PRR14L: variants seen among roughly 807,000 people sequenced by gnomAD.
PRR14L encodes the protein protein PRR14L.
A neutral mutation model predicts 155.0 loss-of-function variants in PRR14L; 80 were observed. The ratio of observed to expected loss-of-function variants is 0.52; its 90% CI spans 0.43 to 0.62. PRR14L has a LOEUF of 0.62. PRR14L is among the 20% of genes least tolerant of loss of function. PRR14L has a pLI of 0.00. For synonymous variants in PRR14L, 883 were observed against 916.0 expected, an observed-to-expected ratio of 0.96 and a Z score of 0.65; for missense variants, 2,469 against 2,548.0, an observed-to-expected ratio of 0.97 and a Z score of 0.67.
chr22:31,695,626 C>T (rs891850799), intron 7 of PRR14L, among the ~76,000 whole-genome samples: 1 of 152,176 alleles, frequency 6.6e-6, no homozygotes, highest in African/African-American at 2.4e-5. Context: ...AAACCACATG[C>T]TCCAGGCCTT....
At position 31,714,817 on chromosome 22, in the gene PRR14L, C is replaced by T; in HGVS notation, c.3022G>A (p.Val1008Ile). ...AGCAGATCCTTTTGGTTGTGGTTTA[C>T]CTCCCCGTGAGGCTCGGTGACAGTC... The part of the protein sequence containing the change: ...RETVTEPHGE[V>I]NHNQKDLLVS... Residue 1008 changes from valine (V) to isoleucine (I), a missense_variant, in exon 4 of 9, where the codon GTA (valine) becomes ATA (isoleucine). Physicochemically the swap from Val to Ile is conservative, Grantham distance 29. Around this residue, in one of 2 missense-constraint regions of PRR14L, gnomAD observed 2,363 missense variants for 2,371.6 expected, o/e 1.00. Coordinates refer to ENST00000327423, the MANE Select transcript of PRR14L (RefSeq NM_173566.3). The T allele has an allele frequency of 6.4e-7, 1 of 1,552,160 alleles. No homozygotes were observed. Among genetic ancestry groups the T allele is most frequent in the Non-Finnish European group, 8.7e-7 (1 of 1,147,090 alleles).
chr22:31,713,565 A>G lies in PRR14L; in HGVS notation c.4274T>C (p.Leu1425Ser), dbSNP rs1182402889. 8 of 1,551,954 alleles carry G rather than the reference A, an allele frequency of 5.2e-6. No homozygotes were observed. The highest frequency in any genetic ancestry group is 2.0e-5 in the Admixed American group (1 of 50,974). Reference protein sequence around the residue: ...SQQCISSSLLLDDAQNQNQPK... With the variant: ...SQQCISSSLLSDDAQNQNQPK... ...TTGGTTCTGATTTTGTGCATCATCT[A>G]ACAACAGACTAGATGATATGCACTG... The change falls in exon 4 of 9, where the codon TTA becomes TCA. Residue 1425 changes from leucine (L) to serine (S), a missense_variant. Physicochemically the swap from Leu to Ser is moderately radical, Grantham distance 145. Transcript: ENST00000327423.
chr22:31,713,383 G>GA lies in PRR14L; in HGVS notation c.4455dup (p.Pro1486SerfsTer19). On this transcript the variant is annotated frameshift_variant, in exon 4 of 9. Coordinates refer to ENST00000327423, the MANE Select transcript of PRR14L (RefSeq NM_173566.3). LOFTEE classifies it high-confidence loss of function. Reference sequence around the variant, plus strand: ...TTCCGAGGGGCACCAAGAAGGCAAGGACTTGTGCATGACTCAGTGTCCTTC... The same window carrying GA: ...TTCCGAGGGGCACCAAGAAGGCAAGGAACTTGTGCATGACTCAGTGTCCTTC... 6.4e-7 allele frequency: 1 copy of GA among 1,551,976 alleles called. No individual in the cohort carries two copies. Among genetic ancestry groups the GA allele is most frequent in the Non-Finnish European group, 8.7e-7 (1 of 1,147,038 alleles).
At chr22:31,704,561 T>G (rs547000240) in intron 5 of PRR14L, 94 bp downstream of exon 5, 11 of 938,590 alleles carry the variant, frequency 1.2e-5, no homozygotes, top group Non-Finnish European at 1.5e-5. Flanking sequence ...GTCAAAGTCA[T>G]GCCACAGACG....
In PRR14L at chr22:31,704,536, T is replaced by A; in HGVS notation, c.5828+119A>T. ...TTTATCTGAGAGACATAGATCAGGT[T>A]TACAAGGACAAGAGGTCAAAGTCAT... On this transcript the variant is annotated intron_variant, in intron 5 of 8. Coordinates refer to ENST00000327423, the MANE Select transcript of PRR14L (RefSeq NM_173566.3). The A allele has an allele frequency of 4.6e-6, 3 of 656,720 alleles. No homozygotes were observed. In the South Asian group the frequency reaches 6.2e-5, roughly 14 times the overall value. 40.7% of individuals were successfully genotyped at this position (656,720 alleles called of 1,614,324 possible).
chr22:31,708,951 C>T (rs527420777), intron 4 of PRR14L, among the ~76,000 whole-genome samples: 11 of 152,066 alleles, frequency 7.2e-5, no homozygotes, highest in Non-Finnish European at 1.5e-4. Context: ...CTCAGCCTCC[C>T]GAGTAACTGG....
At chr22:31,723,359 T>C (rs1483239400) in intron 3 of PRR14L, among the ~76,000 whole-genome samples, 1 of 152,160 alleles carries the variant, frequency 6.6e-6, no homozygotes, top group African/African-American at 2.4e-5. Context: ...ACCAGCTTCT[T>C]AGGTGGAGAG....
chr22:31,707,980 T>C (rs987795541), intron 4 of PRR14L, among the ~76,000 whole-genome samples: 1 of 151,842 alleles, frequency 6.6e-6, no homozygotes, highest in Non-Finnish European at 1.5e-5. Context: ...AGAAATCCCA[T>C]CTCTACTAAA....
In PRR14L at chr22:31,707,347, T is replaced by C. The variant is rs983938117; in HGVS notation, c.5757-2621A>G. On this transcript the variant is annotated intron_variant, in intron 4 of 8. Coordinates refer to ENST00000327423, the MANE Select transcript of PRR14L (RefSeq NM_173566.3). ...TGAAATGAGTAACTACCATCTATCC[T>C]AACCTCAGGAACAAACAGTTTGGAG... is the stretch of plus-strand genomic sequence containing the variant. Among the ~76,000 whole-genome samples the C allele has an allele frequency of 6.0e-5, 9 of 149,038 alleles. No individual in the cohort carries two copies. In the Admixed American group the frequency reaches 6.1e-4, roughly 10 times the overall value.
rs1166461883 is a variant in PRR14L at position 31,685,568 on chromosome 22, A to G, written c.6415T>C (p.Phe2139Leu). Residue 2139 changes from phenylalanine to leucine, a missense_variant, in exon 9 of 9, where the codon TTT becomes CTT. Coordinates refer to ENST00000327423, the MANE Select transcript of PRR14L (RefSeq NM_173566.3). ...TGTTCCTGCTCCTCTTCCTTGGCAA[A>G]GAAGGTCTCCAGTTCCATTAGTTTC... The part of the protein sequence containing the change: ...IQKLMELETF[F>L]AKEEEQEQSS... The G allele has an allele frequency of 1.3e-6, 2 of 1,551,882 alleles. No homozygotes were observed. Among genetic ancestry groups the G allele is most frequent in the Non-Finnish European group, 1.7e-6 (2 of 1,146,946 alleles).
chr22:31,705,926 GGGA>G (rs1225967354), intron 4 of PRR14L, among the ~76,000 whole-genome samples: 6 of 152,038 alleles, frequency 3.9e-5, no homozygotes, highest in South Asian at 2.1e-4. Context: ...GCTTGAACCC[GGGA>G]GGAGGAGATT....
At chr22:31,724,253 T>C (rs2074705543) in intron 3 of PRR14L, among the ~76,000 whole-genome samples, 1 of 152,194 alleles carries the variant, frequency 6.6e-6, no homozygotes, top group Non-Finnish European at 1.5e-5. Context: ...GGAATAATAA[T>C]AGAAACGAAG....
chr22:31,733,311 T>TTTTTG (rs2074760608), intron 2 of PRR14L, among the ~76,000 whole-genome samples: 1 of 142,554 alleles, frequency 7.0e-6, no homozygotes, highest in Non-Finnish European at 1.5e-5. Context: ...TTTTTTTTTT[T>TTTTTG]TTTTTTTTTT....
At chr22:31,699,964 T>C (rs2074554783) in intron 7 of PRR14L, among the ~76,000 whole-genome samples, 1 of 152,138 alleles carries the variant, frequency 6.6e-6, no homozygotes, top group East Asian at 1.9e-4. Flanking sequence ...ATTTTATTTT[T>C]CTCAACCCCC....
chr22:31,702,473 G>A (rs1271315754), intron 6 of PRR14L, among the ~76,000 whole-genome samples: 10 of 151,904 alleles, frequency 6.6e-5, no homozygotes, highest in South Asian at 2.1e-4. Context: ...CGCCCACCTC[G>A]GCCACCCAAA....
intron 4 of PRR14L, among the ~76,000 whole-genome samples, chr22:31,710,869 T>C (rs2074617147): frequency 6.6e-6 from 1 of 152,192 alleles, no homozygotes. Flanking sequence ...TTCTCAGTGA[T>C]CACACCCCAA....
At chr22:31,735,917 G>A (rs543470254) in intron 2 of PRR14L, among the ~76,000 whole-genome samples, 1 of 150,988 alleles carries the variant, frequency 6.6e-6, no homozygotes, top group East Asian at 1.9e-4. Flanking sequence ...GCCGGGCATG[G>A]TGGCAGGCAC....
intron 8 of PRR14L, 133 bp downstream of exon 8, chr22:31,688,023 G>A: frequency 2.4e-6 from 2 of 816,386 alleles, no homozygotes; most frequent in Non-Finnish European, 1.8e-6. Context: ...CAGAGACTCT[G>A]TCTCAAAAAA....
At chr22:31,700,690 G>A (rs979081915) in intron 7 of PRR14L, among the ~76,000 whole-genome samples, 2 of 151,876 alleles carry the variant, frequency 1.3e-5, no homozygotes, top group African/African-American at 4.8e-5. Context: ...CCAAGTAGCT[G>A]GGATTACTGG....
Sources: gnomAD v4.1 joint callset for allele counts (sites outside exome capture counted in the v4.1 genomes callset) on GRCh38, gnomAD v4.1.1 for gene constraint, gnomAD v4.1.1 regional missense constraint, MANE v1.5 for transcripts, NCBI Gene and HGNC (gene_info 2026-07-23, HGNC 2026-07-21) for gene names.